The following ASCC1 variants were observed in gnomAD, a reference collection of about 807,000 sequenced individuals.
ASCC1 encodes activating signal cointegrator 1 complex subunit 1, also known as ASC-1 complex subunit P50.
A neutral mutation model predicts 46.6 loss-of-function variants in ASCC1; 35 were observed. The ratio of observed to expected loss-of-function variants is 0.75; its 90% CI spans 0.57 to 0.99. The LOEUF is 0.99. ASCC1 is among the 50% of genes least tolerant of loss of function. The pLI is 0.00. For synonymous variants in ASCC1, 143 were observed against 146.6 expected (o/e 0.98, Z 0.18); for missense variants, 376 against 428.7 (o/e 0.88, Z 1.09).
chr10:72,161,558 C>A lies in ASCC1; in HGVS notation c.606G>T (p.Gln202His). ...EIQQTCEMLQ[Q>H]CKEEFINDIS... The stretch of plus-strand genomic sequence containing the variant: ...CTCACTTAATGAATTCCTCTTTACA[C>A]TGCTGTAGCATCTCACATGTCTGCT... Residue 202 changes from glutamine (Q) to histidine (H), a missense_variant, in exon 6 of 10, where the codon CAG (glutamine) becomes CAT (histidine). Transcript: ENST00000672957. 1 of 1,614,230 alleles carries A rather than the reference C, an allele frequency of 6.2e-7. No homozygotes were observed.
At chr10:72,125,573 T>C (rs1844766773) in intron 9 of ASCC1, among the ~76,000 whole-genome samples, 1 of 152,190 alleles carries the variant, frequency 6.6e-6, no homozygotes, top group Non-Finnish European at 1.5e-5. Flanking sequence ...AAAAGGTGGG[T>C]GGACTATGGC....
intron 9 of ASCC1, among the ~76,000 whole-genome samples, chr10:72,101,405 C>G (rs1392304127): frequency 1.3e-5 from 2 of 152,158 alleles, no homozygotes; most frequent in African/African-American, 4.8e-5. Context: ...ATGCTGAGGG[C>G]TGCGGACCTA....
intron 9 of ASCC1, among the ~76,000 whole-genome samples, chr10:72,099,836 T>C (rs1419016957): frequency 6.6e-6 from 1 of 150,468 alleles, no homozygotes; most frequent in Non-Finnish European, 1.5e-5. Flanking sequence ...AACAAACAAA[T>C]AAACCAAAAA....
At chr10:72,113,371 G>C (rs986258502) in intron 9 of ASCC1, among the ~76,000 whole-genome samples, 4 of 152,224 alleles carry the variant, frequency 2.6e-5, no homozygotes, top group Non-Finnish European at 5.9e-5. Flanking sequence ...ATTCAAAAGA[G>C]AGCAAAGGTA....
At chr10:72,133,012 A>G in intron 8 of ASCC1, 45 bp downstream of exon 8, 1 of 1,613,348 alleles carries the variant, frequency 6.2e-7, no homozygotes, top group South Asian at 1.1e-5. Context: ...AGATGCCACA[A>G]GGCCGCTGAT....
chr10:72,105,403 A>C (rs1437340048), intron 9 of ASCC1, among the ~76,000 whole-genome samples: 3 of 152,222 alleles, frequency 2.0e-5, no homozygotes, highest in African/African-American at 7.2e-5. Context: ...TCACTTGCTC[A>C]CGTGCTCCCT....
In ASCC1 at chr10:72,111,750, T is replaced by C. The variant is rs575370381; in HGVS notation, c.958-14300A>G. Reference sequence around the variant, plus strand: ...TCCACCTCCCGGGTTCATGCCATTCTCCTGCCTCAGCCTCCCGAGTAGCTG... The same window carrying C: ...TCCACCTCCCGGGTTCATGCCATTCCCCTGCCTCAGCCTCCCGAGTAGCTG... On this transcript the variant is annotated intron_variant, in intron 9 of 9. Transcript: ENST00000672957. 7.9e-3 allele frequency among the ~76,000 whole-genome samples: 1,209 copies of C among 152,176 alleles called. 9 individuals are homozygous for C. Among genetic ancestry groups the C allele is most frequent in the African/African-American group, 0.028 (1,151 of 41,526 alleles).
chr10:72,153,074 C>T, intron 6 of ASCC1, 86 bp from the exon 7 acceptor site: 2 of 1,525,280 alleles, frequency 1.3e-6, no homozygotes, highest in South Asian at 2.3e-5. Flanking sequence ...TACACATAGT[C>T]AAATATGTAT....
intron 5 of ASCC1, among the ~76,000 whole-genome samples, chr10:72,168,763 G>A (rs570044444): frequency 1.3e-3 from 196 of 152,258 alleles, no homozygotes; most frequent in African/African-American, 4.6e-3. Flanking sequence ...AGAAAAGGCC[G>A]GCAAAGAGAA....
At chr10:72,163,068 A>G (rs1443168526) in intron 5 of ASCC1, among the ~76,000 whole-genome samples, 1 of 152,136 alleles carries the variant, frequency 6.6e-6, no homozygotes, top group Non-Finnish European at 1.5e-5. Context: ...AATCAAAACC[A>G]CTATGAGGTA....
rs1858446590 is a variant in ASCC1 at position 72,213,267 on chromosome 10, A to G, written c.32T>C (p.Ile11Thr). The G allele has an allele frequency of 7.4e-6, 12 of 1,613,928 alleles. No homozygotes were observed. Among genetic ancestry groups the G allele is most frequent in the Middle Eastern group, 3.3e-4 (2 of 6,060 alleles). Residue 11 changes from isoleucine (I) to threonine (T), a missense_variant, in exon 2 of 10, where the codon ATT (isoleucine) becomes ACT (threonine). Physicochemically the swap from Ile to Thr is moderately conservative, Grantham distance 89 (BLOSUM62 -1). Coordinates refer to ENST00000672957, the MANE Select transcript of ASCC1 (RefSeq NM_001198800.3). MEVLRPQLIR[I>T]DGRNYRKNPV... Reference sequence around the variant, plus strand: ...ATTCTTCCTGTAATTCCGGCCATCAATTCTTATAAGCTGTGGACGCAGAAC... The same window carrying G: ...ATTCTTCCTGTAATTCCGGCCATCAGTTCTTATAAGCTGTGGACGCAGAAC...
intron 5 of ASCC1, among the ~76,000 whole-genome samples, chr10:72,193,929 G>A (rs963962549): frequency 7.3e-5 from 11 of 151,440 alleles, no homozygotes; most frequent in African/African-American, 2.7e-4. Context: ...CCACCTCCCG[G>A]ATTCACGTCA....
At chr10:72,171,359 A>C (rs1003127730) in intron 5 of ASCC1, among the ~76,000 whole-genome samples, 2 of 152,174 alleles carry the variant, frequency 1.3e-5, no homozygotes, top group Non-Finnish European at 2.9e-5. Flanking sequence ...GTCTTGGCTC[A>C]GAGTCACATC....
chr10:72,136,599 G>T (rs1329852337), intron 7 of ASCC1, among the ~76,000 whole-genome samples: 1 of 152,150 alleles, frequency 6.6e-6, no homozygotes, highest in Non-Finnish European at 1.5e-5. Flanking sequence ...CCAAATAAGG[G>T]ATAAAAATAA....
intron 3 of ASCC1, among the ~76,000 whole-genome samples, chr10:72,210,158 CTTTTTTTTTTT>C (rs766972971): frequency 7.6e-6 from 1 of 131,758 alleles, no homozygotes; most frequent in East Asian, 2.2e-4. Flanking sequence ...AACCTCTTTT[CTTTTTTTTTTT>C]TTTTTTTAAG....
intron 7 of ASCC1, among the ~76,000 whole-genome samples, chr10:72,152,414 C>A (rs1848473556): frequency 6.6e-6 from 1 of 152,076 alleles, no homozygotes; most frequent in African/African-American, 2.4e-5. Context: ...CATTACATCA[C>A]GTTTGAAACT....
rs1479971257 is a variant in ASCC1 at position 72,127,589 on chromosome 10, A to G, written c.957+493T>C. On this transcript the variant is annotated intron_variant, in intron 9 of 9. Coordinates refer to ENST00000672957, the MANE Select transcript of ASCC1 (RefSeq NM_001198800.3). ...TAAAAAAAATGCAAGCTCAAACCTC[A>G]TAAGTACAGAGTAAAACTTAGGTTG... Among the ~76,000 whole-genome samples the G allele has an allele frequency of 3.3e-5, 5 of 152,282 alleles. No individual in the cohort carries two copies. In the East Asian group the frequency reaches 5.8e-4, roughly 18 times the overall value.
At chr10:72,136,999 G>A (rs928929968) in intron 7 of ASCC1, among the ~76,000 whole-genome samples, 21 of 151,894 alleles carry the variant, frequency 1.4e-4, no homozygotes, top group African/African-American at 4.1e-4. Flanking sequence ...GAGGGTCCGC[G>A]GCCTCATTCT....
chr10:72,097,503 T>G, intron 9 of ASCC1, 53 bp from the exon 10 acceptor site: 1 of 1,078,232 alleles, frequency 9.3e-7, no homozygotes, highest in South Asian at 1.3e-5. Flanking sequence ...TAGATGAAAA[T>G]ATTAAACATC....
Sources: gnomAD v4.1 joint callset for allele counts (sites outside exome capture counted in the v4.1 genomes callset) on GRCh38, gnomAD v4.1.1 for gene constraint, MANE v1.5 for transcripts, NCBI Gene and HGNC (gene_info 2026-07-23, HGNC 2026-07-21) for gene names.